The following DNAAF8 variants were observed in gnomAD, a reference collection of about 807,000 sequenced individuals.
DNAAF8 encodes dynein axonemal-associated protein 1.
A neutral mutation model predicts 54.6 loss-of-function variants in DNAAF8; 61 were observed. The observed-to-expected ratio is 1.12, with a 90% CI of 0.91 to 1.38. The LOEUF is 1.38. DNAAF8 is among the 40% of genes most tolerant of loss of function. The probability of loss-of-function intolerance (pLI) is 0.00; values close to 1 mark genes in which losing one functional copy is unlikely to be tolerated. For synonymous variants in DNAAF8, 320 were observed against 270.1 expected, an observed-to-expected ratio of 1.18 and a Z score of -1.81; for missense variants, 837 against 665.0, an observed-to-expected ratio of 1.26 and a Z score of -2.85.
Position 4,736,784 on chromosome 16 carries a change from A to G in DNAAF8, c.129+141A>G, listed in dbSNP as rs1389515889. ...TTGTTGTCATTTTACTTTAAATCGC[A>G]TGGCCAGACTCAAAGTTGTGTTTTC... On this transcript the variant is annotated intron_variant, in intron 2 of 9. Transcript: ENST00000299320. The G allele has an allele frequency of 5.2e-6, 5 of 965,066 alleles. No individual in the cohort carries two copies. In the East Asian group the frequency reaches 9.0e-5, roughly 17 times the overall value. 59.8% of individuals were successfully genotyped at this position (965,066 alleles called of 1,614,324 possible). A position where few individuals can be genotyped will look rare whatever the true frequency, so the allele number is the denominator to read the frequency against.
chr16:4,737,706 G>A (rs770547461), intron 2 of DNAAF8, 94 bp from the exon 3 acceptor site: 2 of 1,474,468 alleles, frequency 1.4e-6, no homozygotes, highest in Non-Finnish European at 1.9e-6. Flanking sequence ...GGCTGGGCTG[G>A]AAGTGAGAGT....
chr16:4,744,886 C>T lies in DNAAF8; in HGVS notation c.918C>T (p.Ser306=), dbSNP rs761514054. 97 of 1,613,242 alleles carry T rather than the reference C, an allele frequency of 6.0e-5. 1 individual carries two copies. The South Asian group carries it at 8.6e-4, about 14-fold the overall frequency. Residue 306 remains serine (S), a synonymous_variant, in exon 6 of 10, where the codon AGC becomes AGT. Coordinates refer to ENST00000299320, the MANE Select transcript of DNAAF8 (RefSeq NM_139170.3). ...CATCCTCAGACCGCATGGTGCCGAG[C>T]GCCCACAACAGGCTCATGGAACAGC... ...HRQVQDRMVP[S]AHNRLMEQLA... is the part of the protein sequence containing the mutation.
At chr16:4,744,759 G>C in intron 5 of DNAAF8, 111 bp from the exon 6 acceptor site, 1 of 1,347,818 alleles carries the variant, frequency 7.4e-7, no homozygotes, top group Non-Finnish European at 1.0e-6. Flanking sequence ...CAGTGGAGGA[G>C]CCTGAGGTCC....
intron 1 of DNAAF8, among the ~76,000 whole-genome samples, 185 bp from the exon 2 acceptor site, chr16:4,736,279 G>T (rs1349430342): frequency 3.5e-5 from 4 of 114,812 alleles, no homozygotes; most frequent in Admixed American, 8.6e-5. Flanking sequence ...GCATGAGTGG[G>T]AACACACACA....
chr16:4,743,440 A>C (rs1596485071), intron 5 of DNAAF8: 1 of 248,830 alleles, frequency 4.0e-6, no homozygotes, highest in Non-Finnish European at 7.6e-6. Flanking sequence ...CCTCTTCCCC[A>C]CCTCCCTGGG....
chr16:4,737,526 C>T (rs977861521), intron 2 of DNAAF8, among the ~76,000 whole-genome samples: 1 of 152,316 alleles, frequency 6.6e-6, no homozygotes, highest in Non-Finnish European at 1.5e-5. Context: ...CTGCTGTATG[C>T]GAGGTACTTG....
In DNAAF8 at chr16:4,746,977, C is replaced by G; in HGVS notation, c.1232C>G (p.Ala411Gly). The G allele has an allele frequency of 1.9e-6, 3 of 1,551,312 alleles. No individual in the cohort carries two copies. The highest frequency in any genetic ancestry group is 2.6e-6 in the Non-Finnish European group (3 of 1,153,296). The change falls in exon 8 of 10, where the codon GCA becomes GGA. Residue 411 changes from alanine (A) to glycine (G), a missense_variant. By Grantham distance (60) the Ala-to-Gly change is moderately conservative. Transcript: ENST00000299320. ...DSEEEEEEEM[A>G]ALGDAEGASP... is the part of the protein sequence containing the mutation. ...GAGGAGGAGGAGGAGGAAGAGATGG[C>G]AGCTCTGGGAGACGCAGAGGGGGCA... is the stretch of plus-strand genomic sequence containing the variant.
intron 3 of DNAAF8, among the ~76,000 whole-genome samples, chr16:4,738,281 T>C (rs1161525651): frequency 2.6e-5 from 4 of 152,152 alleles, no homozygotes; most frequent in Non-Finnish European, 4.4e-5. Flanking sequence ...TAATTGTCTC[T>C]CCCTTAACCC....
At position 4,743,512 on chromosome 16, in the gene DNAAF8, C is replaced by CGT. The variant is rs772398298; in HGVS notation, c.901+353_901+354insTG. Reference sequence around the variant, plus strand: ...GGGGAAGGAAGCCCCACCTTCTGTGCGCAGTCAGCTCCTAAGCACGCTCCC... The same window carrying CGT: ...GGGGAAGGAAGCCCCACCTTCTGTGCGTGCAGTCAGCTCCTAAGCACGCTCCC... On this transcript the variant is annotated intron_variant, in intron 5 of 9. Transcript: ENST00000299320. 180 of 185,528 alleles carry CGT rather than the reference C, an allele frequency of 9.7e-4. No individual in the cohort carries two copies. The Middle Eastern group carries it at 0.013, about 13-fold the overall frequency. The allele number at this position is 185,528 out of a possible 1,614,324, so 11.5% of individuals were successfully genotyped here.
rs769468323 is a variant in DNAAF8, at chr16:4,747,564, G to A, written c.1502G>A (p.Gly501Glu). 1 of 1,611,966 alleles carries A rather than the reference G, an allele frequency of 6.2e-7. No homozygotes were observed. The highest frequency in any genetic ancestry group is 1.7e-5 in the Admixed American group (1 of 59,918). The change falls in exon 9 of 10, where the codon GGG (glycine) becomes GAG (glutamate). Residue 501 changes from glycine (G) to glutamate (E), a missense_variant. Physicochemically the swap from Gly to Glu is moderately conservative, Grantham distance 98. Transcript: ENST00000299320. Reference sequence around the variant, plus strand: ...CCAAGAGGCAGGCCCAGAGCCCTGGGGGATGTTCCTGAGCCAGGGGCAGCC... The same window carrying A: ...CCAAGAGGCAGGCCCAGAGCCCTGGAGGATGTTCCTGAGCCAGGGGCAGCC... ...RLPRGRPRAL[G>E]DVPEPGAARE...
chr16:4,747,287 G>A, intron 8 of DNAAF8, 56 bp from the exon 9 acceptor site: 1 of 1,506,100 alleles, frequency 6.6e-7, no homozygotes, highest in South Asian at 1.3e-5. Flanking sequence ...CAGTAAGGAG[G>A]GCTGGGAGGG....
intron 3 of DNAAF8, among the ~76,000 whole-genome samples, chr16:4,738,808 G>A (rs968488288): frequency 3.9e-5 from 6 of 152,076 alleles, no homozygotes; most frequent in South Asian, 4.2e-4. Context: ...GCTTGGACCC[G>A]GGGGAGCAGA....
intron 5 of DNAAF8, among the ~76,000 whole-genome samples, chr16:4,744,097 T>A (rs1008641311): frequency 4.6e-5 from 7 of 151,784 alleles, no homozygotes; most frequent in Non-Finnish European, 1.0e-4. Context: ...GCCTGGCTAA[T>A]TTTTTTTGTA....
intron 8 of DNAAF8, 91 bp downstream of exon 8, chr16:4,747,116 T>TG: frequency 7.5e-7 from 1 of 1,324,714 alleles, no homozygotes; most frequent in Non-Finnish European, 1.0e-6. Flanking sequence ...CCGCCTGTGG[T>TG]GAGGTCTTGC....
chr16:4,745,138 G>C (rs1409960577), intron 6 of DNAAF8, 127 bp downstream of exon 6: 2 of 1,256,560 alleles, frequency 1.6e-6, no homozygotes, highest in African/African-American at 3.0e-5. Flanking sequence ...TCAAGCATCT[G>C]ATCAGGCAGT....
chr16:4,747,320 AATT>A lies in DNAAF8; in HGVS notation c.1281-22_1281-20del, dbSNP rs2082030224. 2 of 1,535,414 alleles carry A rather than the reference AATT, an allele frequency of 1.3e-6. No individual in the cohort carries two copies. The highest frequency in any genetic ancestry group is 1.8e-6 in the Non-Finnish European group (2 of 1,139,926). ...GGGGCGGCCCCCACGGGGTTGAGTG[AATT>A]TGGTCTCATTGTGTCACAGGACCTG... On this transcript the variant is annotated intron_variant, in intron 8 of 9. Coordinates refer to ENST00000299320, the MANE Select transcript of DNAAF8 (RefSeq NM_139170.3).
intron 3 of DNAAF8, among the ~76,000 whole-genome samples, chr16:4,738,332 G>A (rs190751272): frequency 1.3e-5 from 2 of 152,116 alleles, no homozygotes; most frequent in Non-Finnish European, 1.5e-5. Context: ...AGCACCTGGC[G>A]AGTACACAGG....
At position 4,744,974 on chromosome 16, in the gene DNAAF8, A is replaced by G; in HGVS notation, c.1006A>G (p.Thr336Ala). The change falls in exon 6 of 10, where the codon ACT becomes GCT. Residue 336 changes from threonine (T) to alanine (A), a missense_variant. Thr to Ala is a moderately conservative substitution (Grantham distance 58). Coordinates refer to ENST00000299320, the MANE Select transcript of DNAAF8 (RefSeq NM_139170.3). ...SACARKVPAD[T>A]PQDTKEADSG... Reference sequence around the variant, plus strand: ...TTGTGCCCGGAAGGTGCCTGCCGACACTCCCCAGGACACCAAAGAGGCAGA... The same window carrying G: ...TTGTGCCCGGAAGGTGCCTGCCGACGCTCCCCAGGACACCAAAGAGGCAGA... The G allele has an allele frequency of 6.2e-7, 1 of 1,613,692 alleles. No homozygotes were observed. The highest frequency in any genetic ancestry group is 8.5e-7 in the Non-Finnish European group (1 of 1,179,858).
intron 4 of DNAAF8, among the ~76,000 whole-genome samples, chr16:4,741,979 A>T (rs1477017946): frequency 6.6e-6 from 1 of 152,174 alleles, no homozygotes; most frequent in East Asian, 1.9e-4. Flanking sequence ...GTATACACAG[A>T]AGTCATCTTT....
Sources: gnomAD v4.1 joint callset for allele counts (sites outside exome capture counted in the v4.1 genomes callset) on GRCh38, gnomAD v4.1.1 for gene constraint, MANE v1.5 for transcripts, NCBI Gene and HGNC (gene_info 2026-07-23, HGNC 2026-07-21) for gene names.